C4orf36: variants seen among roughly 807,000 people sequenced by gnomAD.
C4orf36 encodes the protein chromosome 4 open reading frame 36.
A neutral mutation model predicts 12.2 loss-of-function variants in C4orf36; 11 were observed. The observed-to-expected ratio is 0.90, with a 90% confidence interval of 0.57 to 1.49. C4orf36 has a LOEUF of 1.49. C4orf36 is among the 40% of genes most tolerant of loss of function. C4orf36 has a pLI of 0.00. For missense variants in C4orf36, 137 were observed against 133.9 expected (o/e 1.02, Z -0.11); for synonymous variants, 54 against 51.3 (o/e 1.05, Z -0.22).
chr4:86,899,956 C>CA, the C4orf36 span, among the ~76,000 whole-genome samples: 2 of 151,906 alleles, frequency 1.3e-5, no homozygotes, highest in Non-Finnish European at 2.9e-5. Context: ...CAGAGTGTGA[C>CA]AATTAATGAC....
chr4:86,894,103 T>C (rs1235715517), upstream of C4orf36, among the ~76,000 whole-genome samples: 1 of 152,028 alleles, frequency 6.6e-6, no homozygotes, highest in Non-Finnish European at 1.5e-5. Context: ...TTCACCGTGT[T>C]AGCCAGGATG....
upstream of C4orf36, chr4:86,892,495 C>G (rs1747467378): frequency 1.0e-6 from 1 of 976,684 alleles, no homozygotes; most frequent in African/African-American, 1.8e-5. Flanking sequence ...AGGGAGGGGA[C>G]GCCGGGCCCG....
At chr4:86,923,960 T>C in the C4orf36 span, among the ~76,000 whole-genome samples, 1 of 152,208 alleles carries the variant, frequency 6.6e-6, no homozygotes. Flanking sequence ...GAGTTGTAAT[T>C]GAAATAGTTT....
chr4:86,914,752 T>G, the C4orf36 span: 1 of 438,260 alleles, frequency 2.3e-6, no homozygotes, highest in South Asian at 1.8e-5. Context: ...GAGGGCAATC[T>G]GGGTATGATC....
chr4:86,891,382 C>T, intron 2 of C4orf36, 74 bp downstream of exon 2: 2 of 1,378,168 alleles, frequency 1.5e-6, no homozygotes, highest in South Asian at 2.3e-5. Flanking sequence ...AGTGTCCAGT[C>T]CTTTTATTTA....
the C4orf36 span, among the ~76,000 whole-genome samples, chr4:86,929,115 G>A: frequency 3.3e-5 from 5 of 152,054 alleles, no homozygotes; most frequent in South Asian, 2.1e-4. Context: ...GTTTTCTGTC[G>A]CTGCATAACA....
chr4:86,896,001 G>A, upstream of C4orf36, among the ~76,000 whole-genome samples: 1 of 152,232 alleles, frequency 6.6e-6, no homozygotes, highest in Non-Finnish European at 1.5e-5. Flanking sequence ...CAATAATAGT[G>A]TGGTAACTTT....
the C4orf36 span, among the ~76,000 whole-genome samples, chr4:86,929,315 A>G: frequency 6.6e-6 from 1 of 152,180 alleles, no homozygotes; most frequent in Non-Finnish European, 1.5e-5. Flanking sequence ...TTCCCTTGGC[A>G]CAATCCATTT....
At chr4:86,914,277 G>A in the C4orf36 span, 1 of 1,601,760 alleles carries the variant, frequency 6.2e-7, no homozygotes. Context: ...ATTGTGGTCT[G>A]CCCCACAAGT....
At chr4:86,929,767 A>G in the C4orf36 span, among the ~76,000 whole-genome samples, 1 of 152,354 alleles carries the variant, frequency 6.6e-6, no homozygotes, top group African/African-American at 2.4e-5. Context: ...TAAAGACATA[A>G]AACAAAAAAA....
the C4orf36 span, among the ~76,000 whole-genome samples, chr4:86,930,063 C>T: frequency 6.6e-6 from 1 of 152,186 alleles, no homozygotes; most frequent in African/African-American, 2.4e-5. Flanking sequence ...GTGCTGAGTT[C>T]TTGAAGTTGT....
chr4:86,903,713 T>C, the C4orf36 span, among the ~76,000 whole-genome samples: 2 of 152,356 alleles, frequency 1.3e-5, no homozygotes, highest in African/African-American at 2.4e-5. Flanking sequence ...TTCCCTTATC[T>C]GACCCTACCC....
At chr4:86,924,846 T>G in the C4orf36 span, 1 of 152,226 alleles carries the variant, frequency 6.6e-6, no homozygotes, top group Non-Finnish European at 1.5e-5. Context: ...ATTGGGTAAC[T>G]TATTTAAAAA....
At chr4:86,897,574 T>C in the C4orf36 span, among the ~76,000 whole-genome samples, 1 of 152,156 alleles carries the variant, frequency 6.6e-6, no homozygotes, top group Non-Finnish European at 1.5e-5. Flanking sequence ...CACTCACCCA[T>C]TTTGGTTGCT....
the C4orf36 span, among the ~76,000 whole-genome samples, chr4:86,923,640 T>C: frequency 2.0e-5 from 3 of 151,792 alleles, no homozygotes; most frequent in Admixed American, 1.3e-4. Context: ...CAGGCACCTG[T>C]AATCCCAGCT....
At chr4:86,894,482 G>A (rs1252182668), upstream of C4orf36, among the ~76,000 whole-genome samples, 1 of 152,112 alleles carries the variant, frequency 6.6e-6, no homozygotes, top group Non-Finnish European at 1.5e-5. Context: ...TAGGGGACAA[G>A]CCACCTTAGA....
the C4orf36 span, among the ~76,000 whole-genome samples, chr4:86,915,981 G>A: frequency 6.6e-6 from 1 of 152,160 alleles, no homozygotes; most frequent in Admixed American, 6.5e-5. Flanking sequence ...AGACAGCATG[G>A]CCTGATGACA....
upstream of C4orf36, among the ~76,000 whole-genome samples, chr4:86,897,057 A>G (rs1002970798): frequency 2.6e-5 from 4 of 152,108 alleles, no homozygotes; most frequent in Admixed American, 1.3e-4. Flanking sequence ...AAGGGGGAAA[A>G]ATGTTTAAAG....
At chr4:86,919,073 G>A in the C4orf36 span, among the ~76,000 whole-genome samples, 1 of 151,314 alleles carries the variant, frequency 6.6e-6, no homozygotes, top group African/African-American at 2.4e-5. Flanking sequence ...AGAGAGCCTG[G>A]AATTCTGATG....
Sources: allele counts gnomAD v4.1 joint callset (sites outside exome capture counted in the v4.1 genomes callset), GRCh38; gene constraint gnomAD v4.1.1; transcripts MANE v1.5; gene names NCBI Gene and HGNC (gene_info 2026-07-23, HGNC 2026-07-21).